PGGT1B: variants seen among roughly 807,000 people sequenced by gnomAD.
PGGT1B encodes the protein geranylgeranyl transferase type-1 subunit beta.
Under a neutral mutation model 46.1 loss-of-function variants are expected in PGGT1B, and 30 were observed. The ratio of observed to expected loss-of-function variants is 0.65; its 90% CI spans 0.49 to 0.88. The LOEUF (loss-of-function observed/expected upper bound fraction) is 0.88. PGGT1B is among the 40% of genes least tolerant of loss of function. PGGT1B has a pLI of 0.00. For missense variants in PGGT1B, 376 were observed against 455.9 expected (o/e 0.82, Z 1.60); for synonymous variants, 170 against 160.0 (o/e 1.06, Z -0.47).
At chr5:115,258,678 C>G (rs1358187991) in intron 1 of PGGT1B, among the ~76,000 whole-genome samples, 1 of 152,184 alleles carries the variant, frequency 6.6e-6, no homozygotes, top group Non-Finnish European at 1.5e-5. Context: ...TAAGATTTAG[C>G]TTTGGGATTA....
chr5:115,226,309 G>A (rs1418837773), intron 6 of PGGT1B, among the ~76,000 whole-genome samples: 1 of 152,046 alleles, frequency 6.6e-6, no homozygotes, highest in Non-Finnish European at 1.5e-5. Flanking sequence ...TTCTAGATTA[G>A]GGAAGCTTAA....
At chr5:115,224,679 G>A (rs1335475048) in intron 6 of PGGT1B, among the ~76,000 whole-genome samples, 1 of 151,984 alleles carries the variant, frequency 6.6e-6, no homozygotes, top group East Asian at 1.9e-4. Flanking sequence ...AGACCAGCCT[G>A]GGCAACATAA....
At chr5:115,233,932 T>C (rs1008125222) in intron 5 of PGGT1B, among the ~76,000 whole-genome samples, 1 of 151,978 alleles carries the variant, frequency 6.6e-6, no homozygotes, top group African/African-American at 2.4e-5. Flanking sequence ...GCAATTCCAC[T>C]ACCAGAAATT....
In PGGT1B at chr5:115,246,940, G is replaced by A. The variant is rs150373088; in HGVS notation, c.260-5334C>T. Among the ~76,000 whole-genome samples the A allele has an allele frequency of 4.0e-3, 602 of 152,206 alleles. 2 individuals carry two copies. The highest frequency in any genetic ancestry group is 0.02 in the Middle Eastern group (6 of 294). On this transcript the variant is annotated intron_variant, in intron 2 of 8. Coordinates refer to ENST00000419445, the MANE Select transcript of PGGT1B (RefSeq NM_005023.4). ...GTAGATGAGAAAGGCAGCAAAAATG[G>A]GAGTATGTACATGGATGTAATATGT...
intron 1 of PGGT1B, among the ~76,000 whole-genome samples, chr5:115,257,436 C>T (rs1477239896): frequency 6.6e-6 from 1 of 151,270 alleles, no homozygotes; most frequent in African/African-American, 2.4e-5. Context: ...CTCACTTGAA[C>T]CCAGTAGGTG....
intron 5 of PGGT1B, among the ~76,000 whole-genome samples, chr5:115,231,418 G>C (rs1455009049): frequency 6.6e-6 from 1 of 152,006 alleles, no homozygotes; most frequent in African/African-American, 2.4e-5. Flanking sequence ...TTCTGAGGCA[G>C]TCTGGGGTCA....
At position 115,206,796 on chromosome 5, in the gene PGGT1B, A is replaced by C. The variant is rs1433763050; in HGVS notation, c.*5606T>G. On this transcript the variant is annotated 3_prime_UTR_variant, in exon 9 of 9. Coordinates refer to ENST00000419445, the MANE Select transcript of PGGT1B (RefSeq NM_005023.4). Reference sequence around the variant, plus strand: ...GCCAAAAAGTGTGCACACTTTAAAAAATTCTGATAGCTTCTGCCATGGAGG... The same window carrying C: ...GCCAAAAAGTGTGCACACTTTAAAACATTCTGATAGCTTCTGCCATGGAGG... 3 of 151,986 alleles carry C rather than the reference A, an allele frequency of 2.0e-5. No homozygotes were observed. The highest frequency in any genetic ancestry group is 2.0e-4 in the Admixed American group (3 of 15,242). 9.4% of individuals were successfully genotyped at this position (151,986 alleles called of 1,614,324 possible). A position where few individuals can be genotyped will look rare whatever the true frequency, so the allele number is the denominator to read the frequency against.
chr5:115,240,176 T>C (rs541462183), intron 3 of PGGT1B, among the ~76,000 whole-genome samples: 63 of 152,090 alleles, frequency 4.1e-4, no homozygotes, highest in Admixed American at 8.5e-4. Flanking sequence ...CCAGAAGATA[T>C]CAGGGTGCAG....
rs1756253590 is a variant in PGGT1B at position 115,212,195 on chromosome 5, A to C, written c.*207T>G. 1 of 831,782 alleles carries C rather than the reference A, an allele frequency of 1.2e-6. No homozygotes were observed. Among genetic ancestry groups the C allele is most frequent in the African/African-American group, 1.8e-5 (1 of 56,914 alleles). 51.5% of individuals were successfully genotyped at this position (831,782 alleles called of 1,614,324 possible). ...GTATAAACATTTAAGAACCACGACA[A>C]AGTTGTGGTTCAAACTTCAACAAAG... is the stretch of plus-strand genomic sequence containing the variant. On this transcript the variant is annotated 3_prime_UTR_variant, in exon 9 of 9. Transcript: ENST00000419445.
chr5:115,212,678 T>C (rs1452043620), intron 8 of PGGT1B, 95 bp from the exon 9 acceptor site: 2 of 793,494 alleles, frequency 2.5e-6, no homozygotes, highest in East Asian at 5.7e-5. Flanking sequence ...CATCACTCCA[T>C]TAAAAGTAAG....
Position 115,237,848 on chromosome 5 carries a change from T to C in PGGT1B, c.479+10A>G, listed in dbSNP as rs1757229112. On this transcript the variant is annotated intron_variant, in intron 4 of 8. Coordinates refer to ENST00000419445, the MANE Select transcript of PGGT1B (RefSeq NM_005023.4). Reference sequence around the variant, plus strand: ...TTATTACAAAAAAAGTAACAAAGAATCACTCATACCTCCCATCTTCCAGCT... The same window carrying C: ...TTATTACAAAAAAAGTAACAAAGAACCACTCATACCTCCCATCTTCCAGCT... 1.4e-5 allele frequency: 22 copies of C among 1,592,520 alleles called. No individual in the cohort carries two copies. The highest frequency in any genetic ancestry group is 1.8e-5 in the Non-Finnish European group (21 of 1,174,556).
rs1756089770 is a variant in PGGT1B, at chr5:115,207,180, C to CATATATACATATATAT, written c.*5221_*5222insATATATATGTATATAT. Reference sequence around the variant, plus strand: ...ACTAGTTTAGGTTTGCATATACATACATATATATATATATATATATATATA... The same window carrying CATATATACATATATAT: ...ACTAGTTTAGGTTTGCATATACATACATATATACATATATATATATATATATATATATATATATATA... On this transcript the variant is annotated 3_prime_UTR_variant, in exon 9 of 9. Transcript: ENST00000419445. The CATATATACATATATAT allele has an allele frequency of 2.2e-5, 2 of 89,950 alleles. No individual in the cohort carries two copies. The highest frequency in any genetic ancestry group is 4.1e-5 in the African/African-American group (1 of 24,490). The allele number at this position is 89,950 out of a possible 1,614,324, so 5.6% of individuals were successfully genotyped here.
At chr5:115,232,702 G>A (rs916875760) in intron 5 of PGGT1B, among the ~76,000 whole-genome samples, 1 of 151,954 alleles carries the variant, frequency 6.6e-6, no homozygotes, top group Non-Finnish European at 1.5e-5. Flanking sequence ...TTCAGCTTGT[G>A]TGGTTATCAT....
intron 3 of PGGT1B, 138 bp from the exon 4 acceptor site, chr5:115,238,147 AAAAC>A (rs1418493091): frequency 4.0e-5 from 20 of 502,930 alleles, no homozygotes; most frequent in Non-Finnish European, 6.5e-5. Flanking sequence ...CTTATTGAGA[AAAAC>A]AAATCTCCAT....
At chr5:115,245,831 T>C (rs1006770542) in intron 2 of PGGT1B, among the ~76,000 whole-genome samples, 1 of 152,176 alleles carries the variant, frequency 6.6e-6, no homozygotes, top group African/African-American at 2.4e-5. Flanking sequence ...TTTGCCTTCT[T>C]CTTAATCACC....
rs1756185334 is a variant in PGGT1B at position 115,210,290 on chromosome 5, A to G, written c.*2112T>C. On this transcript the variant is annotated 3_prime_UTR_variant, in exon 9 of 9. Coordinates refer to ENST00000419445, the MANE Select transcript of PGGT1B (RefSeq NM_005023.4). ...TTCGGACTTCGTATTTTCCCTCATT[A>G]CATCGCTCCTGTTAAGGAATAAAGT... 6.6e-6 allele frequency: 1 copy of G among 152,128 alleles called. No individual in the cohort carries two copies. Among genetic ancestry groups the G allele is most frequent in the African/African-American group, 2.4e-5 (1 of 41,448 alleles). 9.4% of individuals were successfully genotyped at this position (152,128 alleles called of 1,614,324 possible).
rs1405948831 is a variant in PGGT1B, at chr5:115,253,255, C to A, written c.141G>T (p.Arg47Ser). Residue 47 changes from arginine (R) to serine (S), a missense_variant and splice_region_variant, in exon 2 of 9, where the codon AGG becomes AGT. Physicochemically the swap from Arg to Ser is moderately radical, Grantham distance 110 (BLOSUM62 -1). This residue lies in a region of PGGT1B where 154 missense variants were observed against 142.3 expected (regional missense o/e 1.08). Transcript: ENST00000419445. ...AGAGTGCAAAAAATGCAATTGTCAA[C>A]CTAAAAGAAAAAAATGTAAAATTCC... ...PERYSSLETS[R>S]LTIAFFALSG... is the part of the protein sequence containing the mutation. The A allele has an allele frequency of 1.9e-6, 3 of 1,568,706 alleles. No individual in the cohort carries two copies. Among genetic ancestry groups the A allele is most frequent in the Non-Finnish European group, 8.6e-7 (1 of 1,164,210 alleles).
chr5:115,237,953 G>A lies in PGGT1B; in HGVS notation c.384C>T (p.Gly128=), dbSNP rs769443608. Residue 128 remains glycine (G), a synonymous_variant, in exon 4 of 9, where the codon GGC becomes GGT. Coordinates refer to ENST00000419445, the MANE Select transcript of PGGT1B (RefSeq NM_005023.4). ...DSGHIAMTYT[G]LSCLVILGDD... ...CTCCAAGAATAACTAAGCATGAGAG[G>A]CCAGTGTAGGTCATTGCAATGTGGC... is the stretch of plus-strand genomic sequence containing the variant. 5 of 1,612,546 alleles carry A rather than the reference G, an allele frequency of 3.1e-6. No homozygotes were observed. The highest frequency in any genetic ancestry group is 4.2e-6 in the Non-Finnish European group (5 of 1,179,354).
At chr5:115,260,851 G>C (rs1748526526) in intron 1 of PGGT1B, among the ~76,000 whole-genome samples, 1 of 152,186 alleles carries the variant, frequency 6.6e-6, no homozygotes, top group Non-Finnish European at 1.5e-5. Flanking sequence ...GCTGTGAACA[G>C]AATTACACAG....
Sources: allele counts gnomAD v4.1 joint callset (sites outside exome capture counted in the v4.1 genomes callset), GRCh38; gene constraint gnomAD v4.1.1; regional missense constraint gnomAD v4.1.1; transcripts MANE v1.5; gene names NCBI Gene and HGNC (gene_info 2026-07-23, HGNC 2026-07-21).